The following BCKDHB variants were observed in gnomAD, a reference collection of about 807,000 sequenced individuals.
BCKDHB encodes branched chain keto acid dehydrogenase E1 subunit beta, also known as 2-oxoisovalerate dehydrogenase subunit beta, mitochondrial.
In BCKDHB, 41 loss-of-function variants were observed where a neutral mutation model predicts 48.5. The observed-to-expected ratio is 0.85, with a 90% CI of 0.66 to 1.10. BCKDHB has a LOEUF of 1.10. BCKDHB is among the 50% of genes least tolerant of loss of function. BCKDHB has a pLI of 0.00. For synonymous variants in BCKDHB, 201 were observed against 174.8 expected (o/e 1.15, Z -1.18); for missense variants, 496 against 494.2 (o/e 1.00, Z -0.03).
Position 80,244,569 on chromosome 6 carries a change from G to A in BCKDHB, c.952-28566G>A, listed in dbSNP as rs1331993145. Among the ~76,000 whole-genome samples, 3 of 152,158 alleles carry A rather than the reference G, an allele frequency of 2.0e-5. No individual in the cohort carries two copies. The East Asian group carries it at 5.8e-4, about 29-fold the overall frequency. On this transcript the variant is annotated intron_variant, in intron 8 of 9. Coordinates refer to ENST00000320393, the MANE Select transcript of BCKDHB (RefSeq NM_183050.4). Reference sequence around the variant, plus strand: ...ACTGTTGTTGCCCTGAGGGAAAAATGGATAACAGGCAGTTTGCTCATGTGG... The same window carrying A: ...ACTGTTGTTGCCCTGAGGGAAAAATAGATAACAGGCAGTTTGCTCATGTGG...
At chr6:80,389,638 G>A in the BCKDHB span, among the ~76,000 whole-genome samples, 1 of 152,318 alleles carries the variant, frequency 6.6e-6, no homozygotes, top group East Asian at 1.9e-4. Flanking sequence ...AAGTGCAGCA[G>A]TGGGCTTATG....
At chr6:80,379,388 A>G in the BCKDHB span, among the ~76,000 whole-genome samples, 1 of 152,008 alleles carries the variant, frequency 6.6e-6, no homozygotes, top group African/African-American at 2.4e-5. Flanking sequence ...AATGCAACAT[A>G]ACATCACTTC....
the BCKDHB span, among the ~76,000 whole-genome samples, chr6:80,457,364 C>T: frequency 5.3e-5 from 8 of 152,228 alleles, 2 homozygotes; most frequent in South Asian, 1.7e-3. Context: ...AAAATGCCAC[C>T]CTTCTAGTCC....
At chr6:80,119,749 C>CT (rs1769904756) in intron 1 of BCKDHB, among the ~76,000 whole-genome samples, 2 of 152,088 alleles carry the variant, frequency 1.3e-5, no homozygotes, top group South Asian at 4.1e-4. Context: ...GCAGATATAG[C>CT]TTTACAAAAT....
At chr6:80,358,920 G>T in the BCKDHB span, among the ~76,000 whole-genome samples, 1 of 152,218 alleles carries the variant, frequency 6.6e-6, no homozygotes, top group Non-Finnish European at 1.5e-5. Context: ...ACCCGTGGAT[G>T]TGTGGCATGA....
At chr6:80,127,406 A>G in intron 1 of BCKDHB, 141 bp from the exon 2 acceptor site, 2 of 738,396 alleles carry the variant, frequency 2.7e-6, no homozygotes, top group Non-Finnish European at 4.6e-6. Context: ...ATCTTATAGT[A>G]TTATTGTAAA....
intron 8 of BCKDHB, among the ~76,000 whole-genome samples, chr6:80,237,759 G>A (rs1281045518): frequency 6.6e-6 from 1 of 152,096 alleles, no homozygotes; most frequent in Non-Finnish European, 1.5e-5. Context: ...CAACTTTCTA[G>A]TTCAGATCAG....
the BCKDHB span, among the ~76,000 whole-genome samples, chr6:80,424,392 T>C: frequency 2.0e-5 from 3 of 152,172 alleles, no homozygotes; most frequent in African/African-American, 4.8e-5. Flanking sequence ...CTGCATATTT[T>C]TATTCTTTCC....
chr6:80,288,742 T>C (rs1766755751), intron 9 of BCKDHB, among the ~76,000 whole-genome samples: 1 of 152,108 alleles, frequency 6.6e-6, no homozygotes, highest in African/African-American at 2.4e-5. Context: ...AAGTTAGTCA[T>C]ATATGTATAT....
chr6:80,171,952 G>C (rs1772939541), intron 6 of BCKDHB, among the ~76,000 whole-genome samples: 1 of 152,016 alleles, frequency 6.6e-6, no homozygotes, highest in Non-Finnish European at 1.5e-5. Flanking sequence ...ATTTTAAATA[G>C]CAAATGATTT....
chr6:80,374,905 A>T, the BCKDHB span, among the ~76,000 whole-genome samples: 1 of 152,168 alleles, frequency 6.6e-6, no homozygotes. Flanking sequence ...TCCTTCATTT[A>T]TGAAGCTTAG....
At chr6:80,381,104 C>A in the BCKDHB span, among the ~76,000 whole-genome samples, 1 of 152,016 alleles carries the variant, frequency 6.6e-6, no homozygotes, top group African/African-American at 2.4e-5. Context: ...TATTTTGCTG[C>A]CTTTCTTAGA....
the BCKDHB span, among the ~76,000 whole-genome samples, chr6:80,402,946 C>A: frequency 2.6e-5 from 4 of 151,814 alleles, no homozygotes; most frequent in African/African-American, 9.7e-5. Context: ...GCTCTCTATT[C>A]TGTTTCATTC....
chr6:80,382,029 G>C, the BCKDHB span, among the ~76,000 whole-genome samples: 1 of 152,094 alleles, frequency 6.6e-6, no homozygotes, highest in Non-Finnish European at 1.5e-5. Flanking sequence ...TAAAGAGCCT[G>C]TTTAATAGCC....
At chr6:80,171,144 T>C (rs933188079) in intron 5 of BCKDHB, 138 bp from the exon 6 acceptor site, 22 of 595,106 alleles carry the variant, frequency 3.7e-5, no homozygotes, top group Non-Finnish European at 5.7e-5. Context: ...TAATAAGTGA[T>C]AATTAGGCTT....
intron 9 of BCKDHB, among the ~76,000 whole-genome samples, chr6:80,285,768 A>G (rs900682845): frequency 6.6e-6 from 1 of 152,172 alleles, no homozygotes; most frequent in African/African-American, 2.4e-5. Context: ...AAATAGAAGT[A>G]TCCTGTAATA....
the BCKDHB span, among the ~76,000 whole-genome samples, chr6:80,395,625 C>T: frequency 7.9e-5 from 12 of 152,292 alleles, no homozygotes; most frequent in East Asian, 1.5e-3. Context: ...GAAAGAAAAC[C>T]CCATTTCTGG....
chr6:80,124,390 C>G (rs1040451858), intron 1 of BCKDHB, among the ~76,000 whole-genome samples: 3 of 152,162 alleles, frequency 2.0e-5, no homozygotes, highest in African/African-American at 7.2e-5. Flanking sequence ...GTGGAGAGTT[C>G]TGTAGATGTC....
chr6:80,264,625 G>A lies in BCKDHB; in HGVS notation c.952-8510G>A, dbSNP rs73463515. Among the ~76,000 whole-genome samples the A allele has an allele frequency of 4.7e-3, 721 of 152,256 alleles. 3 individuals are homozygous for A. The highest frequency in any genetic ancestry group is 0.017 in the African/African-American group (690 of 41,572). On this transcript the variant is annotated intron_variant, in intron 8 of 9. Transcript: ENST00000320393. ...ATGGATAAGCAGTCTGGCAGAGGATGTGTGACATTGATGATGTCAGGAAAA... is the reference window on the plus strand; with the variant it reads ...ATGGATAAGCAGTCTGGCAGAGGATATGTGACATTGATGATGTCAGGAAAA...
Sources: gnomAD v4.1 joint callset for allele counts (sites outside exome capture counted in the v4.1 genomes callset) on GRCh38, gnomAD v4.1.1 for gene constraint, MANE v1.5 for transcripts, NCBI Gene and HGNC (gene_info 2026-07-23, HGNC 2026-07-21) for gene names.